Variants in DPYD observed in about 807,000 individuals in gnomAD.
The protein encoded by DPYD is dihydropyrimidine dehydrogenase [NADP(+)].
In DPYD, 109 loss-of-function variants were observed where a neutral mutation model predicts 116.2. The ratio of observed to expected loss-of-function variants is 0.94; its 90% CI spans 0.80 to 1.10. The LOEUF is 1.10. Among genes scored for constraint, DPYD ranks in the 50% least tolerant of loss-of-function variants. The pLI, the probability that DPYD is intolerant of heterozygous loss-of-function variation, is 0.00. For missense variants in DPYD, 1,302 were observed against 1,254.5 expected (o/e 1.04, Z -0.57); for synonymous variants, 440 against 432.0 (o/e 1.02, Z -0.23).
chr1:97,899,212 T>C (rs1333559622), intron 1 of DPYD, among the ~76,000 whole-genome samples: 2 of 151,780 alleles, frequency 1.3e-5, no homozygotes, highest in Non-Finnish European at 2.9e-5. Context: ...GTCTGAACCT[T>C]GAATAACTGA....
intron 3 of DPYD, among the ~76,000 whole-genome samples, chr1:97,748,146 C>T (rs541835233): frequency 3.9e-5 from 6 of 152,106 alleles, no homozygotes; most frequent in South Asian, 2.1e-4. Flanking sequence ...TTTCTCCATA[C>T]GGGATTTCAG....
intron 10 of DPYD, among the ~76,000 whole-genome samples, chr1:97,588,261 G>T (rs1288144101): frequency 6.6e-6 from 1 of 152,136 alleles, no homozygotes; most frequent in Non-Finnish European, 1.5e-5. Context: ...TAGCATGCAG[G>T]CCCCATAAAA....
intron 20 of DPYD, among the ~76,000 whole-genome samples, chr1:97,170,878 G>A (rs1457216222): frequency 2.6e-5 from 4 of 152,006 alleles, no homozygotes; most frequent in African/African-American, 9.7e-5. Context: ...GTTTCACCAT[G>A]TTGGTCAGGC....
intron 18 of DPYD, among the ~76,000 whole-genome samples, chr1:97,271,816 T>C (rs1177223165): frequency 2.6e-5 from 4 of 152,146 alleles, no homozygotes; most frequent in African/African-American, 9.7e-5. Flanking sequence ...TTCCACACTT[T>C]GAATAATTGA....
At chr1:97,552,476 C>T (rs2786532) in intron 11 of DPYD, among the ~76,000 whole-genome samples, 3,817 of 152,124 alleles carry the variant, frequency 0.025, 157 homozygotes, top group African/African-American at 0.087. Context: ...GCACCAACAT[C>T]ATAAGCCACC....
At chr1:97,714,009 TA>T (rs1662452277) in intron 5 of DPYD, among the ~76,000 whole-genome samples, 1 of 152,164 alleles carries the variant, frequency 6.6e-6, no homozygotes, top group South Asian at 2.1e-4. Flanking sequence ...ATTATCATGA[TA>T]ATTTATCTTA....
intron 16 of DPYD, 49 bp downstream of exon 16, chr1:97,373,512 C>T: frequency 6.6e-7 from 1 of 1,518,378 alleles, no homozygotes; most frequent in Non-Finnish European, 9.1e-7. Context: ...CATACGGGGG[C>T]CTGTTATGTC....
intron 13 of DPYD, among the ~76,000 whole-genome samples, chr1:97,475,911 C>T (rs1327727081): frequency 6.6e-6 from 1 of 152,230 alleles, no homozygotes; most frequent in Non-Finnish European, 1.5e-5. Flanking sequence ...TTACACTCTA[C>T]TCACTGGATA....
rs878997342 is a variant in DPYD, at chr1:97,723,460, C to A, written c.322-1789G>T. 2.0e-5 allele frequency among the ~76,000 whole-genome samples: 3 copies of A among 151,510 alleles called. No individual in the cohort carries two copies. The Admixed American group carries it at 2.0e-4, about 10-fold the overall frequency. ...ATATGTTGATGTAAACACACACACA[C>A]ACATGCATACACACACACACAAAAG... On this transcript the variant is annotated intron_variant, in intron 4 of 22. Transcript: ENST00000370192.
chr1:97,874,851 G>A (rs1294913385), intron 2 of DPYD, among the ~76,000 whole-genome samples: 2 of 151,810 alleles, frequency 1.3e-5, no homozygotes, highest in Non-Finnish European at 2.9e-5. Flanking sequence ...AGACAACAGA[G>A]ATTTTTAAGA....
chr1:97,272,624 T>A (rs1336219719), intron 18 of DPYD, among the ~76,000 whole-genome samples: 1 of 152,158 alleles, frequency 6.6e-6, no homozygotes, highest in Non-Finnish European at 1.5e-5. Context: ...CAATTGAACT[T>A]TGAATAAGAA....
chr1:97,643,557 C>A (rs1387132532), intron 8 of DPYD, among the ~76,000 whole-genome samples: 1 of 152,126 alleles, frequency 6.6e-6, no homozygotes, highest in East Asian at 1.9e-4. Flanking sequence ...ACTGGAAATA[C>A]CATTTGACCC....
At chr1:97,727,823 T>G (rs1480393932) in intron 4 of DPYD, among the ~76,000 whole-genome samples, 2 of 151,936 alleles carry the variant, frequency 1.3e-5, no homozygotes, top group African/African-American at 4.8e-5. Context: ...AGTATCAATT[T>G]ATTCTCTCAT....
At chr1:97,632,957 T>G (rs1452216399) in intron 8 of DPYD, among the ~76,000 whole-genome samples, 1 of 152,076 alleles carries the variant, frequency 6.6e-6, no homozygotes, top group Non-Finnish European at 1.5e-5. Flanking sequence ...AAATAAAATG[T>G]CCCTGGCTTC....
intron 3 of DPYD, among the ~76,000 whole-genome samples, chr1:97,788,573 A>AT (rs1288822099): frequency 6.6e-6 from 1 of 152,228 alleles, no homozygotes; most frequent in Non-Finnish European, 1.5e-5. Flanking sequence ...GCAAAAAATT[A>AT]TAAGTTGTTA....
intron 22 of DPYD, among the ~76,000 whole-genome samples, chr1:97,080,240 G>A (rs938056543): frequency 5.3e-5 from 8 of 151,964 alleles, no homozygotes; most frequent in Non-Finnish European, 1.0e-4. Flanking sequence ...GGGACAATAA[G>A]TGTCTCTCCA....
intron 10 of DPYD, among the ~76,000 whole-genome samples, chr1:97,581,394 T>C (rs1344815751): frequency 2.8e-5 from 4 of 143,820 alleles, no homozygotes; most frequent in Admixed American, 1.4e-4. Context: ...GTAAAGGCAG[T>C]GTACTTGAAT....
chr1:97,747,405 C>G (rs1319758058), intron 3 of DPYD, among the ~76,000 whole-genome samples: 1 of 152,020 alleles, frequency 6.6e-6, no homozygotes, highest in Non-Finnish European at 1.5e-5. Context: ...CCTGGAGGGA[C>G]GGGCTTGTTG....
At chr1:97,179,606 G>A (rs1247354890) in intron 20 of DPYD, among the ~76,000 whole-genome samples, 1 of 152,142 alleles carries the variant, frequency 6.6e-6, no homozygotes, top group Non-Finnish European at 1.5e-5. Flanking sequence ...ATGGTGTAAG[G>A]GGCTGGGAGT....
Sources: gnomAD v4.1 joint callset for allele counts (sites outside exome capture counted in the v4.1 genomes callset) on GRCh38, gnomAD v4.1.1 for gene constraint, MANE v1.5 for transcripts, NCBI Gene and HGNC (gene_info 2026-07-23, HGNC 2026-07-21) for gene names.